The following MRAP2 variants were observed in gnomAD, a reference collection of about 807,000 sequenced individuals.
MRAP2 encodes melanocortin-2 receptor accessory protein 2.
A neutral mutation model predicts 17.4 loss-of-function variants in MRAP2; 20 were observed. The ratio of observed to expected loss-of-function variants is 1.15; its 90% CI spans 0.81 to 1.67. The LOEUF (loss-of-function observed/expected upper bound fraction) is 1.67, where lower values mean the gene tolerates loss of function less well. Ranked by LOEUF, MRAP2 falls within the 40% of genes most tolerant of loss-of-function variation. MRAP2 has a pLI of 0.00. For missense variants in MRAP2, 238 were observed against 240.0 expected (o/e 0.99, Z 0.05); for synonymous variants, 96 against 88.4 (o/e 1.09, Z -0.48).
the MRAP2 span, among the ~76,000 whole-genome samples, chr6:84,137,251 C>T: frequency 6.6e-6 from 1 of 152,156 alleles, no homozygotes; most frequent in Non-Finnish European, 1.5e-5. Flanking sequence ...GGCCTGTATC[C>T]AGCATGCCAA....
the MRAP2 span, among the ~76,000 whole-genome samples, chr6:84,105,929 G>T: frequency 3.9e-5 from 6 of 152,008 alleles, no homozygotes; most frequent in African/African-American, 1.4e-4. Flanking sequence ...GGTCACTAGG[G>T]GTAATGTGGA....
chr6:84,051,835 G>C (rs1454680925), intron 1 of MRAP2, among the ~76,000 whole-genome samples: 1 of 152,150 alleles, frequency 6.6e-6, no homozygotes, highest in African/African-American at 2.4e-5. Flanking sequence ...TGGGAATGTG[G>C]GTTGGAGAAG....
At chr6:84,063,869 C>A (rs1409815282) in intron 3 of MRAP2, among the ~76,000 whole-genome samples, 1 of 151,788 alleles carries the variant, frequency 6.6e-6, no homozygotes, top group Non-Finnish European at 1.5e-5. Context: ...TATGGTGAAA[C>A]CCCGTCTCTA....
At position 84,089,626 on chromosome 6, in the gene MRAP2, G is replaced by A. The variant is rs1051960148; in HGVS notation, c.*145G>A. 1.1e-6 allele frequency: 1 copy of A among 933,464 alleles called. No individual in the cohort carries two copies. The highest frequency in any genetic ancestry group is 2.7e-5 in the Admixed American group (1 of 37,274). The allele number at this position is 933,464 out of a possible 1,614,324, so 57.8% of individuals were successfully genotyped here. A position where few individuals can be genotyped will look rare whatever the true frequency, so the allele number is the denominator to read the frequency against. ...GAGAGGCAGAGAAGAGACCCCTTTA[G>A]AAGAGAGCTGAGCTGATTAAGCTGA... On this transcript the variant is annotated 3_prime_UTR_variant, in exon 4 of 4. Coordinates refer to ENST00000257776, the MANE Select transcript of MRAP2 (RefSeq NM_138409.4).
the MRAP2 span, among the ~76,000 whole-genome samples, chr6:84,118,580 C>T: frequency 3.3e-4 from 50 of 152,312 alleles, no homozygotes; most frequent in South Asian, 7.9e-3. Context: ...ACTGTTTGGA[C>T]TTTCTAAAGC....
the MRAP2 span, among the ~76,000 whole-genome samples, chr6:84,111,109 T>C: frequency 6.6e-6 from 1 of 152,182 alleles, no homozygotes; most frequent in Admixed American, 6.5e-5. Context: ...CCCTATGAAA[T>C]TTAAAGTATT....
the MRAP2 span, among the ~76,000 whole-genome samples, chr6:84,115,862 T>G: frequency 6.6e-6 from 1 of 152,176 alleles, no homozygotes; most frequent in East Asian, 1.9e-4. Context: ...GCTTCTTGGG[T>G]GAGGTGAGGC....
the MRAP2 span, chr6:84,125,339 CA>C: frequency 2.7e-6 from 4 of 1,464,982 alleles, no homozygotes; most frequent in Admixed American, 5.3e-5. Flanking sequence ...GAACATTTAA[CA>C]ATCTTAAAGT....
At position 84,045,118 on chromosome 6, in the gene MRAP2, A is replaced by G. The variant is rs888183590; in HGVS notation, c.-7-10194A>G. The stretch of plus-strand genomic sequence containing the variant: ...TTCTATGCAAATACTACACCATTTT[A>G]TACTAGGGACTTGAGAATCTCTGGA... On this transcript the variant is annotated intron_variant, in intron 1 of 3. Coordinates refer to ENST00000257776, the MANE Select transcript of MRAP2 (RefSeq NM_138409.4). 34 of 584,320 alleles carry G rather than the reference A, an allele frequency of 5.8e-5. No homozygotes were observed. The African/African-American group carries it at 6.5e-4, about 11-fold the overall frequency. 36.2% of individuals were successfully genotyped at this position (584,320 alleles called of 1,614,324 possible). A position where few individuals can be genotyped will look rare whatever the true frequency, so the allele number is the denominator to read the frequency against.
intron 3 of MRAP2, among the ~76,000 whole-genome samples, chr6:84,064,043 T>TAAAA (rs200016109): frequency 3.0e-4 from 45 of 148,138 alleles, no homozygotes; most frequent in African/African-American, 1.1e-3. Context: ...AGACTCTGTC[T>TAAAA]AAAAAAAAGA....
chr6:84,099,719 G>T, the MRAP2 span, among the ~76,000 whole-genome samples: 1 of 152,154 alleles, frequency 6.6e-6, no homozygotes, highest in African/African-American at 2.4e-5. Flanking sequence ...AGCAGATGCT[G>T]GTGCCACACT....
At chr6:84,141,988 TG>T in the MRAP2 span, among the ~76,000 whole-genome samples, 1 of 152,214 alleles carries the variant, frequency 6.6e-6, no homozygotes, top group African/African-American at 2.4e-5. Flanking sequence ...CTCTCAGAGA[TG>T]TGAATCTCAC....
chr6:84,049,588 G>T (rs1371713265), intron 1 of MRAP2, among the ~76,000 whole-genome samples: 3 of 152,192 alleles, frequency 2.0e-5, no homozygotes, highest in African/African-American at 7.2e-5. Context: ...AAATAAGGGT[G>T]CCCACTTCTT....
chr6:84,064,336 C>T (rs2099493980), intron 3 of MRAP2, among the ~76,000 whole-genome samples: 1 of 152,212 alleles, frequency 6.6e-6, no homozygotes, highest in South Asian at 2.1e-4. Context: ...CCATTTCTCA[C>T]CATTGCTCCC....
chr6:84,043,618 G>T (rs2099488211), intron 1 of MRAP2, among the ~76,000 whole-genome samples: 1 of 149,650 alleles, frequency 6.7e-6, no homozygotes, highest in African/African-American at 2.5e-5. Context: ...ATGTCTTCAG[G>T]CTTTTGTGTT....
intron 1 of MRAP2, among the ~76,000 whole-genome samples, chr6:84,044,425 G>A (rs2099488450): frequency 6.6e-6 from 1 of 152,228 alleles, no homozygotes; most frequent in African/African-American, 2.4e-5. Flanking sequence ...GACCTCAGGT[G>A]ATCCACCTGC....
chr6:84,086,192 C>A (rs1005000764), intron 3 of MRAP2, among the ~76,000 whole-genome samples: 1 of 152,098 alleles, frequency 6.6e-6, no homozygotes, highest in Non-Finnish European at 1.5e-5. Context: ...TGTGCATATT[C>A]TGGGAAGTAA....
the MRAP2 span, among the ~76,000 whole-genome samples, chr6:84,123,972 G>A: frequency 2.6e-5 from 4 of 152,036 alleles, no homozygotes; most frequent in Non-Finnish European, 4.4e-5. Context: ...AGTGGTCAAC[G>A]TCACTAATCA....
the MRAP2 span, among the ~76,000 whole-genome samples, chr6:84,140,157 A>G: frequency 6.6e-6 from 1 of 152,160 alleles, no homozygotes; most frequent in Non-Finnish European, 1.5e-5. Context: ...GTGGGAACCC[A>G]AGACACAAGT....
Sources: allele counts gnomAD v4.1 joint callset (sites outside exome capture counted in the v4.1 genomes callset), GRCh38; gene constraint gnomAD v4.1.1; transcripts MANE v1.5; gene names NCBI Gene and HGNC (gene_info 2026-07-23, HGNC 2026-07-21).